The following PALLD variants were observed in gnomAD, a reference collection of about 807,000 sequenced individuals.
PALLD encodes palladin.
Under a neutral mutation model 123.5 loss-of-function variants are expected in PALLD, and 61 were observed. That is an observed-to-expected ratio of 0.49 (90% CI 0.40 to 0.61). The LOEUF (loss-of-function observed/expected upper bound fraction) is 0.61, where lower values mean the gene tolerates loss of function less well. PALLD is among the 20% of genes least tolerant of loss of function. The pLI is 0.00. For synonymous variants in PALLD, 465 were observed against 496.4 expected (o/e 0.94, Z 0.84); for missense variants, 1,273 against 1,377.0 (o/e 0.92, Z 1.20).
chr4:168,670,622 A>C, intron 3 of PALLD, among the ~76,000 whole-genome samples: 1 of 150,510 alleles, frequency 6.6e-6, no homozygotes, highest in African/African-American at 2.5e-5. Flanking sequence ...AGTCCCAGCT[A>C]CTCGGGAGGC....
intron 8 of PALLD, among the ~76,000 whole-genome samples, chr4:168,706,286 A>C (rs1253421190): frequency 2.0e-5 from 3 of 152,168 alleles, no homozygotes; most frequent in Non-Finnish European, 4.4e-5. Flanking sequence ...CTTTACTTTT[A>C]CCTCAACTAA....
At chr4:168,827,110 G>A (rs940568019) in intron 10 of PALLD, among the ~76,000 whole-genome samples, 1 of 152,156 alleles carries the variant, frequency 6.6e-6, no homozygotes, top group Non-Finnish European at 1.5e-5. Flanking sequence ...CTGGGTTCTA[G>A]TTATGTCTAT....
At chr4:168,599,816 C>A (rs550347574) in intron 2 of PALLD, among the ~76,000 whole-genome samples, 18 of 152,204 alleles carry the variant, frequency 1.2e-4, no homozygotes, top group Admixed American at 3.9e-4. Flanking sequence ...TAAGTTAAAT[C>A]TTTCTATGTA....
chr4:168,877,183 A>T (rs1751860504), intron 10 of PALLD, among the ~76,000 whole-genome samples: 1 of 152,348 alleles, frequency 6.6e-6, no homozygotes, highest in East Asian at 1.9e-4. Context: ...GGACAAATGT[A>T]GAGATTAAAG....
intron 3 of PALLD, among the ~76,000 whole-genome samples, chr4:168,677,543 G>C (rs937686173): frequency 2.4e-4 from 36 of 152,196 alleles, no homozygotes; most frequent in East Asian, 3.9e-4. Context: ...TTTTGAATCA[G>C]GTGAAAAGTA....
In PALLD at chr4:168,869,026, C is replaced by T. The variant is rs765526694; in HGVS notation, c.1965-21896C>T. Among the ~76,000 whole-genome samples the T allele has an allele frequency of 4.6e-5, 7 of 152,104 alleles. No homozygotes were observed. Among genetic ancestry groups the T allele is most frequent in the Non-Finnish European group, 1.0e-4 (7 of 68,022 alleles). On this transcript the variant is annotated intron_variant, in intron 10 of 21. Transcript: ENST00000505667. This position sits in a 1 kb window ranked among gnomAD's most constrained non-coding sequence, Gnocchi z 4.5. Reference sequence around the variant, plus strand: ...TGCCACTGCCTGGAACATGATGGAGCGCCTCACAGATGCCAGATTAGGAGC... The same window carrying T: ...TGCCACTGCCTGGAACATGATGGAGTGCCTCACAGATGCCAGATTAGGAGC...
At chr4:168,501,173 G>A (rs1761357363) in intron 1 of PALLD, among the ~76,000 whole-genome samples, 1 of 152,128 alleles carries the variant, frequency 6.6e-6, no homozygotes, top group Admixed American at 6.6e-5. Flanking sequence ...AGCAACTCAG[G>A]AGCCTGAGGC....
intron 2 of PALLD, among the ~76,000 whole-genome samples, chr4:168,607,154 T>G (rs959564962): frequency 2.0e-5 from 3 of 151,992 alleles, no homozygotes; most frequent in African/African-American, 7.3e-5. Context: ...AGGTATGATA[T>G]GAATGGTACA....
intron 2 of PALLD, among the ~76,000 whole-genome samples, chr4:168,566,436 T>C (rs1163307090): frequency 6.6e-6 from 1 of 152,156 alleles, no homozygotes; most frequent in African/African-American, 2.4e-5. Context: ...TAGCTGGAGC[T>C]ACAGGCATGA....
chr4:168,924,552 C>CAA, intron 19 of PALLD, 132 bp downstream of exon 19: 1 of 957,100 alleles, frequency 1.0e-6, no homozygotes, highest in Non-Finnish European at 1.7e-6. Context: ...TGAAATCAAT[C>CAA]AAAGACAAAA....
At chr4:168,633,720 G>A (rs1438100791) in intron 2 of PALLD, among the ~76,000 whole-genome samples, 13 of 152,270 alleles carry the variant, frequency 8.5e-5, no homozygotes, top group African/African-American at 3.1e-4. Context: ...CTTGTCTCAT[G>A]GAAGGTTCTG....
chr4:168,836,704 G>A (rs1209166154), intron 10 of PALLD, among the ~76,000 whole-genome samples: 1 of 152,208 alleles, frequency 6.6e-6, no homozygotes, highest in Non-Finnish European at 1.5e-5. Flanking sequence ...ACATTCGGAT[G>A]CCTTTGTGAG....
chr4:168,784,663 G>A (rs1736425689), intron 10 of PALLD, among the ~76,000 whole-genome samples: 1 of 152,190 alleles, frequency 6.6e-6, no homozygotes, highest in African/African-American at 2.4e-5. Context: ...TCATTGATTT[G>A]GAAGAGACAA....
At chr4:168,866,694 T>A (rs1456687186) in intron 10 of PALLD, among the ~76,000 whole-genome samples, 2 of 152,240 alleles carry the variant, frequency 1.3e-5, no homozygotes, top group Non-Finnish European at 2.9e-5. Context: ...GAAGCAAATT[T>A]AATTTCTTAG....
intron 8 of PALLD, among the ~76,000 whole-genome samples, chr4:168,702,905 T>G (rs1417139176): frequency 6.6e-6 from 1 of 150,798 alleles, no homozygotes; most frequent in African/African-American, 2.4e-5. Context: ...ATTTATTTAT[T>G]TATTTATTTT....
chr4:168,521,179 AC>A (rs1476815945), intron 2 of PALLD, among the ~76,000 whole-genome samples: 6 of 151,752 alleles, frequency 4.0e-5, no homozygotes, highest in Admixed American at 2.6e-4. Context: ...GGCAAAAAAA[AC>A]AAAAACAAAA....
intron 10 of PALLD, among the ~76,000 whole-genome samples, chr4:168,858,079 A>T (rs1748864196): frequency 6.6e-6 from 1 of 152,240 alleles, no homozygotes; most frequent in Admixed American, 6.5e-5. Context: ...AACTCTGATT[A>T]TTTAGAGCAA....
chr4:168,541,992 G>T (rs1453952484), intron 2 of PALLD, among the ~76,000 whole-genome samples: 1 of 152,188 alleles, frequency 6.6e-6, no homozygotes, highest in Non-Finnish European at 1.5e-5. Flanking sequence ...TGAGGGGAAA[G>T]TGGTGGTGGA....
intron 10 of PALLD, among the ~76,000 whole-genome samples, chr4:168,837,439 T>C (rs72973294): frequency 0.03 from 4,620 of 152,330 alleles, 234 homozygotes; most frequent in African/African-American, 0.11. Context: ...AGACATCTTA[T>C]TTTTCTTTTT....
Sources: gnomAD v4.1 joint callset for allele counts (sites outside exome capture counted in the v4.1 genomes callset) on GRCh38, gnomAD v4.1.1 for gene constraint, Gnocchi (gnomAD v3.1) non-coding constraint, MANE v1.5 for transcripts, NCBI Gene and HGNC (gene_info 2026-07-23, HGNC 2026-07-21) for gene names.